The following MCF2L variants were observed in gnomAD, a reference collection of about 807,000 sequenced individuals.
MCF2L encodes MCF.2 cell line derived transforming sequence like.
In MCF2L, 97 loss-of-function variants were observed where a neutral mutation model predicts 153.4. That is an observed-to-expected ratio of 0.63 (90% CI 0.54 to 0.75). MCF2L has a LOEUF of 0.75. MCF2L is among the 30% of genes least tolerant of loss of function. The probability of loss-of-function intolerance (pLI) is 0.00; values close to 1 mark genes in which losing one functional copy is unlikely to be tolerated. For synonymous variants in MCF2L, 659 were observed against 632.2 expected (o/e 1.04, Z -0.64); for missense variants, 1,347 against 1,495.2 (o/e 0.90, Z 1.64).
At chr13:113,034,917 G>T (rs1037785344) in intron 3 of MCF2L, among the ~76,000 whole-genome samples, 24 of 152,132 alleles carry the variant, frequency 1.6e-4, no homozygotes, top group African/African-American at 5.8e-4. Flanking sequence ...GGTGAGGAAG[G>T]TCTGCCCGAG....
At chr13:112,948,927 G>A (rs544429863) in intron 2 of MCF2L, among the ~76,000 whole-genome samples, 15 of 152,236 alleles carry the variant, frequency 9.9e-5, no homozygotes, top group African/African-American at 3.4e-4. Context: ...TTAGCCAGGC[G>A]TGGTGGCATG....
intron 27 of MCF2L, 41 bp from the exon 28 acceptor site, chr13:113,096,330 G>A (rs2035651057): frequency 1.4e-6 from 2 of 1,438,736 alleles, no homozygotes; most frequent in Non-Finnish European, 1.9e-6. Flanking sequence ...CTGCCGGGGC[G>A]GGTGCTGACG....
intron 2 of MCF2L, among the ~76,000 whole-genome samples, chr13:112,922,118 C>T (rs1208998243): frequency 6.6e-6 from 1 of 152,172 alleles, no homozygotes; most frequent in Non-Finnish European, 1.5e-5. Flanking sequence ...GGGAGCAGCC[C>T]CTGCCAGAGG....
chr13:113,036,767 TG>T (rs1451583516), intron 3 of MCF2L, among the ~76,000 whole-genome samples: 1 of 152,238 alleles, frequency 6.6e-6, no homozygotes, highest in Non-Finnish European at 1.5e-5. Flanking sequence ...TGCCAGTGGG[TG>T]GCCCCCCAAC....
In MCF2L at chr13:112,941,990, GC is replaced by G. The variant is rs2081579519; in HGVS notation, c.169+39620del. 6.6e-6 allele frequency among the ~76,000 whole-genome samples: 1 copy of G among 152,212 alleles called. No homozygotes were observed. Among genetic ancestry groups the G allele is most frequent in the Non-Finnish European group, 1.5e-5 (1 of 68,042 alleles). ...CATCTGGGAAGACGCCCGTTGCCAA[GC>G]GGACCATGGTCTAGCGGTAGCGTCA... is the stretch of plus-strand genomic sequence containing the variant. On this transcript the variant is annotated intron_variant, in intron 2 of 29. Coordinates refer to the MCF2L transcript ENST00000375608. The surrounding 1 kb of genome is among the most constrained non-coding windows in gnomAD (Gnocchi z 4.9).
upstream of MCF2L, among the ~76,000 whole-genome samples, chr13:112,964,351 A>T (rs1342603952): frequency 2.0e-5 from 3 of 152,196 alleles, no homozygotes; most frequent in Non-Finnish European, 4.4e-5. Flanking sequence ...AACCCATCCT[A>T]GCAATACCCG....
chr13:112,919,503 C>A (rs1157362027), intron 2 of MCF2L, among the ~76,000 whole-genome samples: 1 of 152,096 alleles, frequency 6.6e-6, no homozygotes, highest in African/African-American at 2.4e-5. Flanking sequence ...CCGCGCCCGG[C>A]CAGAATTTGC....
chr13:112,911,617 G>A (rs1052206718), intron 2 of MCF2L, among the ~76,000 whole-genome samples: 1 of 152,246 alleles, frequency 6.6e-6, no homozygotes. Flanking sequence ...GGCTGCAGGC[G>A]TCCTCTCAGG....
In MCF2L at chr13:113,096,912, GGA is replaced by G; in HGVS notation, c.*55_*56del. ...GCTGTCTGGGGCTGCGGTGGCGTGG[GGA>G]GGGCGCGGCCCCCGGACGCCCCGAG... On this transcript the variant is annotated 3_prime_UTR_variant, in exon 30 of 30. Transcript: ENST00000535094. 1 of 1,235,326 alleles carries G rather than the reference GGA, an allele frequency of 8.1e-7. No individual in the cohort carries two copies. Among genetic ancestry groups the G allele is most frequent in the Non-Finnish European group, 1.0e-6 (1 of 965,718 alleles). 76.5% of individuals were successfully genotyped at this position (1,235,326 alleles called of 1,614,324 possible).
At chr13:113,087,623 T>C in intron 22 of MCF2L, 84 bp from the exon 23 acceptor site, 1 of 1,266,982 alleles carries the variant, frequency 7.9e-7, no homozygotes, top group Non-Finnish European at 1.1e-6. Context: ...ATTTCCATCA[T>C]TTCGTGCCTG....
In MCF2L at chr13:113,089,175, C is replaced by G. The variant is rs1467935545; in HGVS notation, c.2835-435C>G. The stretch of plus-strand genomic sequence containing the variant: ...AAAAAAGAAACACTCCCCCGCCCCC[C>G]CCCCCGCCCCCCGAAAAAAAAAGCC... On this transcript the variant is annotated intron_variant, in intron 25 of 29. Coordinates refer to ENST00000535094, the MANE Select transcript of MCF2L (RefSeq NM_001112732.3). Among the ~76,000 whole-genome samples the G allele has an allele frequency of 4.5e-4, 53 of 118,082 alleles. 1 individual carries two copies. The highest frequency in any genetic ancestry group is 3.2e-3 in the East Asian group (11 of 3,472). 77.5% of individuals were successfully genotyped at this position (118,082 alleles called of 152,430 possible).
chr13:113,003,567 C>T (rs1366244079), intron 1 of MCF2L, among the ~76,000 whole-genome samples: 1 of 152,074 alleles, frequency 6.6e-6, no homozygotes, highest in African/African-American at 2.4e-5. Context: ...CCCCTGAAGC[C>T]CTGGCCACCC....
At position 112,946,754 on chromosome 13, in the gene MCF2L, C is replaced by T. The variant is rs74873793; in HGVS notation, c.169+44383C>T. 7.8e-3 allele frequency among the ~76,000 whole-genome samples: 1,193 copies of T among 152,288 alleles called. 14 individuals carry two copies. The highest frequency in any genetic ancestry group is 0.028 in the African/African-American group (1,151 of 41,566). On this transcript the variant is annotated intron_variant, in intron 2 of 29. Transcript: ENST00000375608. ...AGAGGCACTGTGAGGATGCGTATCCCGTGGCTTTACTTTAGAAACTAACCC... is the reference window on the plus strand; with the variant it reads ...AGAGGCACTGTGAGGATGCGTATCCTGTGGCTTTACTTTAGAAACTAACCC...
intron 1 of MCF2L, among the ~76,000 whole-genome samples, chr13:112,973,874 T>C (rs1451611115): frequency 6.6e-6 from 1 of 151,984 alleles, no homozygotes; most frequent in East Asian, 1.9e-4. Context: ...GTGTTCCGAG[T>C]TTCATGGGGA....
intron 2 of MCF2L, among the ~76,000 whole-genome samples, chr13:112,962,104 C>A (rs115689306): frequency 0.031 from 702 of 22,638 alleles, 8 homozygotes; most frequent in African/African-American, 0.083. Context: ...TGCACACACA[C>A]GCACGGACAC....
intron 2 of MCF2L, among the ~76,000 whole-genome samples, chr13:112,924,289 C>G (rs115093413): frequency 6.6e-6 from 1 of 152,134 alleles, no homozygotes. Flanking sequence ...AGCACAGACA[C>G]GGGAGTTTAC....
intron 3 of MCF2L, among the ~76,000 whole-genome samples, chr13:113,033,430 G>T (rs1261603028): frequency 1.6e-5 from 2 of 126,048 alleles, no homozygotes; most frequent in African/African-American, 3.0e-5. Context: ...TGGCCCCCAT[G>T]ATGTGAGTGG....
At chr13:112,895,038 C>T (rs890333305) in intron 1 of MCF2L, among the ~76,000 whole-genome samples, 3 of 152,190 alleles carry the variant, frequency 2.0e-5, no homozygotes, top group Non-Finnish European at 2.9e-5. Flanking sequence ...GGCCACAGGT[C>T]CCCAAACAGA....
intron 3 of MCF2L, chr13:113,041,103 C>T (rs938981193): frequency 1.3e-5 from 2 of 152,260 alleles, no homozygotes; most frequent in African/African-American, 2.4e-5. Flanking sequence ...GATGGGGCAT[C>T]TATGGGCTGT....
Sources: gnomAD v4.1 joint callset for allele counts (sites outside exome capture counted in the v4.1 genomes callset) on GRCh38, gnomAD v4.1.1 for gene constraint, Gnocchi (gnomAD v3.1) non-coding constraint, MANE v1.5 for transcripts, NCBI Gene and HGNC (gene_info 2026-07-23, HGNC 2026-07-21) for gene names.